NMU: variants seen among roughly 807,000 people sequenced by gnomAD.
NMU encodes neuromedin U, also known as neuromedin-U.
In NMU, 29 loss-of-function variants were observed where a neutral mutation model predicts 35.4. That is an observed-to-expected ratio of 0.82 (90% CI 0.61 to 1.12). The LOEUF is 1.12. Among genes scored for constraint, NMU ranks in the 50% most tolerant of loss-of-function variants. The pLI is 0.00. For missense variants in NMU, 199 were observed against 206.2 expected (o/e 0.97, Z 0.21); for synonymous variants, 78 against 81.3 (o/e 0.96, Z 0.22).
chr4:55,607,238 AAC>A, intron 6 of NMU, 58 bp downstream of exon 6: 6 of 1,265,430 alleles, frequency 4.7e-6, no homozygotes, highest in African/African-American at 1.5e-5. Context: ...ATGCTGCAAA[AAC>A]AGTTTCATTC....
At chr4:55,608,468 C>G (rs577889483) in intron 4 of NMU, among the ~76,000 whole-genome samples, 1 of 152,062 alleles carries the variant, frequency 6.6e-6, no homozygotes, top group African/African-American at 2.4e-5. Flanking sequence ...CAGAGTGTAC[C>G]AATCACCACA....
chr4:55,616,578 C>T (rs1241766675), intron 2 of NMU, among the ~76,000 whole-genome samples, 193 bp from the exon 3 acceptor site: 1 of 152,122 alleles, frequency 6.6e-6, no homozygotes, highest in African/African-American at 2.4e-5. Context: ...TCAAGATGTC[C>T]CCCTGACCGC....
At chr4:55,599,546 T>C (rs1002225855) in intron 8 of NMU, among the ~76,000 whole-genome samples, 1 of 152,214 alleles carries the variant, frequency 6.6e-6, no homozygotes, top group Non-Finnish European at 1.5e-5. Flanking sequence ...TTTAGCTGCT[T>C]ACTTCTTCCT....
At chr4:55,618,828 T>A (rs375029664) in intron 2 of NMU, among the ~76,000 whole-genome samples, 28 of 151,288 alleles carry the variant, frequency 1.9e-4, no homozygotes, top group African/African-American at 5.8e-4. Context: ...TCTCTCTTTC[T>A]TCTTTCTTTT....
chr4:55,596,641 C>A (rs1208442432), intron 9 of NMU, among the ~76,000 whole-genome samples: 2 of 152,040 alleles, frequency 1.3e-5, no homozygotes, highest in Non-Finnish European at 2.9e-5. Context: ...TTTATCAGGC[C>A]TCTTCTGAAG....
intron 1 of NMU, among the ~76,000 whole-genome samples, chr4:55,632,077 T>C (rs184281718): frequency 1.1e-4 from 16 of 152,246 alleles, no homozygotes; most frequent in African/African-American, 3.4e-4. Flanking sequence ...AAATGCCATA[T>C]GTTACCACTT....
chr4:55,627,447 G>T (rs1006013494), intron 2 of NMU, among the ~76,000 whole-genome samples: 16 of 150,920 alleles, frequency 1.1e-4, no homozygotes, highest in African/African-American at 3.9e-4. Context: ...GATTTTATGG[G>T]ATTTATATTA....
At chr4:55,617,089 TA>T (rs1734136346) in intron 2 of NMU, among the ~76,000 whole-genome samples, 1 of 152,180 alleles carries the variant, frequency 6.6e-6, no homozygotes, top group Non-Finnish European at 1.5e-5. Context: ...GATGGCCTTT[TA>T]AAATGGAACT....
At chr4:55,616,186 C>T in intron 3 of NMU, 152 bp downstream of exon 3, 1 of 669,358 alleles carries the variant, frequency 1.5e-6, no homozygotes, top group Non-Finnish European at 2.7e-6. Context: ...AACACAAGCC[C>T]ACAGTATTGA....
chr4:55,616,634 A>T (rs752219588), intron 2 of NMU, among the ~76,000 whole-genome samples: 4 of 152,184 alleles, frequency 2.6e-5, no homozygotes, highest in Admixed American at 6.5e-5. Flanking sequence ...ATCCTAGGGC[A>T]TGAAGATGCC....
intron 3 of NMU, 134 bp downstream of exon 3, chr4:55,616,204 C>A: frequency 2.8e-6 from 2 of 710,842 alleles, no homozygotes; most frequent in South Asian, 3.3e-5. Context: ...TGATTATTAT[C>A]TACAGCAAAT....
chr4:55,603,539 G>A (rs1386092932), intron 7 of NMU, among the ~76,000 whole-genome samples: 2 of 151,764 alleles, frequency 1.3e-5, no homozygotes, highest in African/African-American at 4.9e-5. Flanking sequence ...AAGTACTAAC[G>A]GAGTTCCTCA....
In NMU at chr4:55,636,172, G is replaced by C; in HGVS notation, c.21C>G (p.Cys7Trp). The C allele has an allele frequency of 6.6e-7, 1 of 1,508,590 alleles. No individual in the cohort carries two copies. Among genetic ancestry groups the C allele is most frequent in the Non-Finnish European group, 8.8e-7 (1 of 1,136,090 alleles). 93.5% of individuals were successfully genotyped at this position (1,508,590 alleles called of 1,614,324 possible). The change falls in exon 1 of 10, where the codon TGC becomes TGG. Residue 7 changes from cysteine to tryptophan, a missense_variant. Transcript: ENST00000264218. The surrounding 1 kb of genome is among the most constrained non-coding windows in gnomAD (Gnocchi z 4.0). The stretch of plus-strand genomic sequence containing the variant: ...CCTGTCCGGCGGGCGACCTGGGGCG[G>C]CAGCTCTCTGTTCGCAGCATCTCGG... MLRTES[C>W]RPRSPAGQVA...
intron 1 of NMU, 90 bp downstream of exon 1, chr4:55,635,991 G>T: frequency 1.3e-6 from 2 of 1,526,362 alleles, no homozygotes; most frequent in Non-Finnish European, 1.8e-6. Flanking sequence ...GCCAAGTAAA[G>T]GTGAGAGAAA....
intron 1 of NMU, among the ~76,000 whole-genome samples, chr4:55,632,874 G>T (rs993070748): frequency 6.6e-6 from 1 of 151,456 alleles, no homozygotes; most frequent in Non-Finnish European, 1.5e-5. Context: ...ACTTAGAAAG[G>T]CCACTATGCC....
intron 2 of NMU, among the ~76,000 whole-genome samples, chr4:55,630,085 C>T (rs543810484): frequency 1.3e-5 from 2 of 151,940 alleles, no homozygotes; most frequent in Admixed American, 6.5e-5. Flanking sequence ...TACTGATAGA[C>T]AATATATTTC....
chr4:55,618,428 G>C (rs1168979035), intron 2 of NMU, among the ~76,000 whole-genome samples: 1 of 151,870 alleles, frequency 6.6e-6, no homozygotes, highest in Non-Finnish European at 1.5e-5. Flanking sequence ...GTGTCCACTT[G>C]TTCTCATTGT....
intron 1 of NMU, among the ~76,000 whole-genome samples, chr4:55,634,424 T>C (rs374333591): frequency 2.0e-5 from 3 of 152,298 alleles, no homozygotes; most frequent in East Asian, 3.9e-4. Context: ...TATGAGACGA[T>C]TGGTATGTCA....
chr4:55,626,153 C>T (rs981006480), intron 2 of NMU, among the ~76,000 whole-genome samples: 66 of 152,318 alleles, frequency 4.3e-4, no homozygotes, highest in African/African-American at 1.5e-3. Context: ...TTGCGATTAA[C>T]TAGATTTCAA....
Sources: gnomAD v4.1 joint callset for allele counts (sites outside exome capture counted in the v4.1 genomes callset) on GRCh38, gnomAD v4.1.1 for gene constraint, Gnocchi (gnomAD v3.1) non-coding constraint, MANE v1.5 for transcripts, NCBI Gene and HGNC (gene_info 2026-07-23, HGNC 2026-07-21) for gene names.